COBL: variants seen among roughly 807,000 people sequenced by gnomAD.
COBL encodes protein cordon-bleu.
A neutral mutation model predicts 98.8 loss-of-function variants in COBL; 51 were observed. The observed-to-expected ratio is 0.52, with a 90% CI of 0.41 to 0.65. The LOEUF (loss-of-function observed/expected upper bound fraction) is 0.65, where lower values mean the gene tolerates loss of function less well. Among genes scored for constraint, COBL ranks in the 30% least tolerant of loss-of-function variants. The pLI, the probability that COBL is intolerant of heterozygous loss-of-function variation, is 0.00. For synonymous variants in COBL, 634 were observed against 651.7 expected (o/e 0.97, Z 0.41); for missense variants, 1,617 against 1,617.5 (o/e 1.00, Z 0.01).
intron 7 of COBL, among the ~76,000 whole-genome samples, chr7:51,078,410 G>A (rs919216894): frequency 6.6e-6 from 1 of 152,156 alleles, no homozygotes; most frequent in African/African-American, 2.4e-5. Flanking sequence ...ATACAGAGAA[G>A]AATTAGGAAG....
intron 2 of COBL, among the ~76,000 whole-genome samples, chr7:51,201,252 AAAAAG>A (rs1791094794): frequency 1.4e-5 from 2 of 145,810 alleles, no homozygotes; most frequent in African/African-American, 5.6e-5. Flanking sequence ...AAAAAAAAAA[AAAAAG>A]AAAGAAAGAA....
In COBL at chr7:51,217,586, A is replaced by C. The variant is rs576288784; in HGVS notation, c.245+2155T>G. Among the ~76,000 whole-genome samples the C allele has an allele frequency of 1.7e-4, 26 of 151,038 alleles. No homozygotes were observed. The South Asian group carries it at 3.4e-3, about 20-fold the overall frequency. ...TCAAACTCCTGACATCAGGTGATCCACCTACCTCAGCCTCCCAAAGTGCTG... is the reference window on the plus strand; with the variant it reads ...TCAAACTCCTGACATCAGGTGATCCCCCTACCTCAGCCTCCCAAAGTGCTG... On this transcript the variant is annotated intron_variant, in intron 2 of 12. Transcript: ENST00000265136.
chr7:51,206,470 T>A (rs1207183451), intron 2 of COBL, among the ~76,000 whole-genome samples: 2 of 146,558 alleles, frequency 1.4e-5, no homozygotes, highest in African/African-American at 5.2e-5. Context: ...CCAGCCTGGT[T>A]GACAGAGCGA....
intron 8 of COBL, 112 bp from the exon 9 acceptor site, chr7:51,031,021 A>G: frequency 1.3e-6 from 1 of 752,294 alleles, no homozygotes; most frequent in South Asian, 1.6e-5. Context: ...TCAAGCAGTC[A>G]CATACTCACT....
intron 1 of COBL, among the ~76,000 whole-genome samples, chr7:51,274,519 T>C (rs2129168504): frequency 6.6e-6 from 1 of 152,370 alleles, no homozygotes; most frequent in Admixed American, 6.5e-5. Context: ...GAAAGAATTG[T>C]ACCCCACAGA....
intron 7 of COBL, among the ~76,000 whole-genome samples, chr7:51,075,785 TA>T (rs1362337213): frequency 6.6e-6 from 1 of 152,222 alleles, no homozygotes; most frequent in African/African-American, 2.4e-5. Flanking sequence ...TTTGAAAAGC[TA>T]TATATAGATC....
intron 1 of COBL, among the ~76,000 whole-genome samples, chr7:51,301,896 A>G (rs1802002232): frequency 6.6e-6 from 1 of 152,058 alleles, no homozygotes; most frequent in African/African-American, 2.4e-5. Flanking sequence ...CTGCCCAGCC[A>G]CATTTTACAT....
chr7:51,162,777 G>A (rs1393808835), intron 5 of COBL, among the ~76,000 whole-genome samples: 3 of 152,172 alleles, frequency 2.0e-5, no homozygotes, highest in Admixed American at 6.5e-5. Flanking sequence ...TTGAAAGCTC[G>A]GCTTTAACAC....
intron 2 of COBL, 82 bp from the exon 3 acceptor site, chr7:51,193,671 G>A (rs1790333284): frequency 2.4e-6 from 3 of 1,250,792 alleles, no homozygotes; most frequent in South Asian, 2.6e-5. Context: ...TAGAACAAAT[G>A]AACAAGTGGA....
chr7:51,236,938 C>T (rs1795313542), intron 1 of COBL, among the ~76,000 whole-genome samples: 1 of 152,184 alleles, frequency 6.6e-6, no homozygotes, highest in African/African-American at 2.4e-5. Flanking sequence ...CACAGCTGAG[C>T]TTGACAGGGC....
rs759436715 is a variant in COBL, at chr7:51,026,712, T to C, written c.3385-47A>G. 8 of 1,596,900 alleles carry C rather than the reference T, an allele frequency of 5.0e-6. No homozygotes were observed. The African/African-American group carries it at 6.7e-5, about 13-fold the overall frequency. On this transcript the variant is annotated intron_variant, in intron 10 of 12. Transcript: ENST00000265136. ...ACATTTCACTGAGAACATGGAGAAATGTGAACTGTAATGCAGCTCATGAGA... is the reference window on the plus strand; with the variant it reads ...ACATTTCACTGAGAACATGGAGAAACGTGAACTGTAATGCAGCTCATGAGA...
At chr7:51,299,294 C>T (rs315101) in intron 1 of COBL, among the ~76,000 whole-genome samples, 109,941 of 152,218 alleles carry the variant, frequency 0.72, 41,190 homozygotes, top group African/African-American at 0.92. Flanking sequence ...AGGTGCAGCA[C>T]TGGCTGTTTA....
intron 5 of COBL, among the ~76,000 whole-genome samples, chr7:51,146,373 C>T: frequency 6.6e-6 from 1 of 152,194 alleles, no homozygotes; most frequent in South Asian, 2.1e-4. Context: ...AAGTGCACAT[C>T]CCCATGACTG....
intron 6 of COBL, among the ~76,000 whole-genome samples, chr7:51,115,353 T>C (rs1441412490): frequency 6.6e-6 from 1 of 152,126 alleles, no homozygotes; most frequent in Non-Finnish European, 1.5e-5. Context: ...CATCTTAAGA[T>C]GGAATCTTAA....
At chr7:51,130,886 C>T (rs1163388381) in intron 6 of COBL, among the ~76,000 whole-genome samples, 9 of 152,216 alleles carry the variant, frequency 5.9e-5, no homozygotes, top group Non-Finnish European at 1.3e-4. Flanking sequence ...TCAGTCTTCA[C>T]ACAGTGTGAA....
At chr7:51,076,623 T>C (rs1389571752) in intron 7 of COBL, among the ~76,000 whole-genome samples, 1 of 152,252 alleles carries the variant, frequency 6.6e-6, no homozygotes, top group East Asian at 1.9e-4. Flanking sequence ...TTTTATTTCC[T>C]TGTTTTAGAA....
chr7:51,029,336 C>T lies in COBL; in HGVS notation c.1760G>A (p.Ser587Asn), dbSNP rs1195655682. Residue 587 changes from serine (S) to asparagine (N), a missense_variant, in exon 10 of 13, where the codon AGC (serine) becomes AAC (asparagine). By Grantham distance (46) the Ser-to-Asn change is conservative (BLOSUM62 1). Coordinates refer to ENST00000265136, the MANE Select transcript of COBL (RefSeq NM_015198.5). ...CTCCCTTGCCTTTTCATGGGGCTGGCTGTGCTCAGCTTGAAGTGGCGCCAG... is the reference window on the plus strand; with the variant it reads ...CTCCCTTGCCTTTTCATGGGGCTGGTTGTGCTCAGCTTGAAGTGGCGCCAG... ...DSLAPLQAEH[S>N]QPHEKAREEV... The T allele has an allele frequency of 6.2e-7, 1 of 1,603,218 alleles. No individual in the cohort carries two copies. Among genetic ancestry groups the T allele is most frequent in the Non-Finnish European group, 8.5e-7 (1 of 1,173,604 alleles).
intron 10 of COBL, among the ~76,000 whole-genome samples, chr7:51,027,184 A>C (rs919361522): frequency 6.6e-6 from 1 of 152,226 alleles, no homozygotes; most frequent in Non-Finnish European, 1.5e-5. Context: ...AAATGGAAGA[A>C]ATATCTCATT....
At position 51,193,979 on chromosome 7, in the gene COBL, G is replaced by GTACA. The variant is rs78676661; in HGVS notation, c.246-394_246-391dup. On this transcript the variant is annotated intron_variant, in intron 2 of 12. Transcript: ENST00000265136. ...TTTGATTTAACTTTTAAGTTCAGGG[G>GTACA]TACATGTGCAGGTTTGTTACACAGC... Among the ~76,000 whole-genome samples the GTACA allele has an allele frequency of 8.5e-3, 1,288 of 152,224 alleles. 15 individuals are homozygous for GTACA. The highest frequency in any genetic ancestry group is 0.013 in the Non-Finnish European group (865 of 67,998).
Sources: gnomAD v4.1 joint callset for allele counts (sites outside exome capture counted in the v4.1 genomes callset) on GRCh38, gnomAD v4.1.1 for gene constraint, MANE v1.5 for transcripts, NCBI Gene and HGNC (gene_info 2026-07-23, HGNC 2026-07-21) for gene names.